ESPNL: variants seen among roughly 807,000 people sequenced by gnomAD.
ESPNL encodes the protein espin like.
Under a neutral mutation model 46.8 loss-of-function variants are expected in ESPNL, and 49 were observed. The observed-to-expected ratio is 1.05, with a 90% CI of 0.83 to 1.33. The LOEUF (loss-of-function observed/expected upper bound fraction) is 1.33, where lower values mean the gene tolerates loss of function less well. ESPNL is among the 40% of genes most tolerant of loss of function. The pLI is 0.00. For synonymous variants in ESPNL, 664 were observed against 662.1 expected, an observed-to-expected ratio of 1.00 and a Z score of -0.04; for missense variants, 1,540 against 1,436.6, an observed-to-expected ratio of 1.07 and a Z score of -1.16.
chr2:238,126,288 G>A (rs1255470316), intron 6 of ESPNL, among the ~76,000 whole-genome samples: 1 of 151,082 alleles, frequency 6.6e-6, no homozygotes, highest in African/African-American at 2.4e-5. Context: ...TTGTGTTTGT[G>A]TTTCTGTGCA....
At position 238,130,709 on chromosome 2, in the gene ESPNL, A is replaced by G. The variant is rs1462952529; in HGVS notation, c.1995A>G (p.Pro665=). Residue 665 remains proline (P), a synonymous_variant, in exon 9 of 9, where the codon CCA becomes CCG. Transcript: ENST00000343063. ...GCAACTTCGAGTCGGCCTCTGGCCC[A>G]CTCTGTGGCTTCAACCCTGGCCCCT... is the stretch of plus-strand genomic sequence containing the variant. ...LRGNFESASG[P]LCGFNPGPCE... 6 of 1,566,486 alleles carry G rather than the reference A, an allele frequency of 3.8e-6. No individual in the cohort carries two copies. The highest frequency in any genetic ancestry group is 1.8e-5 in the Admixed American group (1 of 54,576).
intron 1 of ESPNL, among the ~76,000 whole-genome samples, chr2:238,101,256 A>G (rs561272907): frequency 6.9e-6 from 1 of 145,702 alleles, no homozygotes; most frequent in East Asian, 2.1e-4. Context: ...GAGGGTGAGC[A>G]GGACTGACCG....
chr2:238,126,961 CTGTGTGTATGTG>C (rs1692146372), intron 6 of ESPNL, among the ~76,000 whole-genome samples: 1 of 53,430 alleles, frequency 1.9e-5, no homozygotes, highest in Non-Finnish European at 3.3e-5. Context: ...TATTGTGTGT[CTGTGTGTATGTG>C]TGTGATTGTG....
chr2:238,101,929 G>T lies in ESPNL; in HGVS notation c.295-12G>T, dbSNP rs770863387. On this transcript the variant is annotated splice_polypyrimidine_tract_variant and intron_variant, in intron 1 of 8. Coordinates refer to ENST00000343063, the MANE Select transcript of ESPNL (RefSeq NM_194312.4). ...CTACCCCCCACTCACTGACCTACCCGGGGCTTGGTAGGACCAAGATGCCTC... is the reference window on the plus strand; with the variant it reads ...CTACCCCCCACTCACTGACCTACCCTGGGCTTGGTAGGACCAAGATGCCTC... 5.6e-6 allele frequency: 9 copies of T among 1,600,926 alleles called. No homozygotes were observed. The highest frequency in any genetic ancestry group is 7.7e-6 in the Non-Finnish European group (9 of 1,175,860).
At position 238,100,462 on chromosome 2, in the gene ESPNL, G is replaced by A. The variant is rs776908199; in HGVS notation, c.43G>A (p.Val15Met). ...ACTCGTGGCCGCCAAGGATGGGGAT[G>A]TGGCGACGTTGGAGCGGCTGCTGGA... Reference protein sequence around the residue: ...RALVAAKDGDVATLERLLEAG... With the variant: ...RALVAAKDGDMATLERLLEAG... Residue 15 changes from valine to methionine, a missense_variant, in exon 1 of 9, where the codon GTG becomes ATG. By Grantham distance (21) the Val-to-Met change is conservative (BLOSUM62 1). Coordinates refer to ENST00000343063, the MANE Select transcript of ESPNL (RefSeq NM_194312.4). 2 of 1,605,330 alleles carry A rather than the reference G, an allele frequency of 1.2e-6. No individual in the cohort carries two copies. The highest frequency in any genetic ancestry group is 2.7e-5 in the African/African-American group (2 of 74,724).
chr2:238,124,556 C>CGTGTGTGCAGGAGAGTACGTGTGT (rs1319843828), intron 5 of ESPNL, among the ~76,000 whole-genome samples: 2 of 151,372 alleles, frequency 1.3e-5, no homozygotes, highest in South Asian at 4.2e-4. Context: ...AGTGTACGTG[C>CGTGTGTGCAGGAGAGTACGTGTGT]GTGTGTGCAG....
chr2:238,100,869 C>T (rs978037190), intron 1 of ESPNL, among the ~76,000 whole-genome samples, 156 bp downstream of exon 1: 72 of 152,356 alleles, frequency 4.7e-4, no homozygotes, highest in African/African-American at 1.7e-3. Flanking sequence ...ACCGTCTCTG[C>T]CCCACGCCTC....
rs549903561 is a variant in ESPNL, at chr2:238,115,121, G to A, written c.856-1782G>A. Reference sequence around the variant, plus strand: ...GTGGCGGTTCTGGAGCTGATCTTGCGGCGGTTCTGGCACTGGTCTTTCGGA... The same window carrying A: ...GTGGCGGTTCTGGAGCTGATCTTGCAGCGGTTCTGGCACTGGTCTTTCGGA... On this transcript the variant is annotated intron_variant, in intron 4 of 8. Transcript: ENST00000343063. Among the ~76,000 whole-genome samples, 37 of 152,278 alleles carry A rather than the reference G, an allele frequency of 2.4e-4. No individual in the cohort carries two copies. The South Asian group carries it at 5.2e-3, about 21-fold the overall frequency.
chr2:238,131,218 C>G lies in ESPNL; in HGVS notation c.2504C>G (p.Ser835Cys), dbSNP rs779624399. 2 of 1,551,316 alleles carry G rather than the reference C, an allele frequency of 1.3e-6. No individual in the cohort carries two copies. The highest frequency in any genetic ancestry group is 2.4e-5 in the East Asian group (1 of 41,456). The change falls in exon 9 of 9, where the codon TCC becomes TGC. Residue 835 changes from serine to cysteine, a missense_variant. By Grantham distance (112) the Ser-to-Cys change is moderately radical. Transcript: ENST00000343063. The part of the protein sequence containing the change: ...RLSRQPRGAL[S>C]PEQFLPHVDG... ...AGCCGGCAGCCCCGCGGGGCTTTGT[C>G]CCCCGAGCAGTTCCTGCCCCACGTG...
intron 2 of ESPNL, among the ~76,000 whole-genome samples, chr2:238,103,408 G>A (rs931287883): frequency 3.4e-5 from 5 of 148,958 alleles, no homozygotes; most frequent in African/African-American, 7.7e-5. Context: ...CAGCCTGGGC[G>A]ATAGAGCAAG....
chr2:238,130,126 A>C lies in ESPNL; in HGVS notation c.1414-2A>C. ...TGCTCACCCTGCCCTTCCTGTGCCCAGGACAATGGTGGGAGCTCAGGCCCC... is the reference window on the plus strand; with the variant it reads ...TGCTCACCCTGCCCTTCCTGTGCCCCGGACAATGGTGGGAGCTCAGGCCCC... On this transcript the variant is annotated splice_acceptor_variant, in intron 8 of 8. Coordinates refer to ENST00000343063, the MANE Select transcript of ESPNL (RefSeq NM_194312.4). LOFTEE classifies it high-confidence loss of function. The C allele has an allele frequency of 6.2e-7, 1 of 1,606,054 alleles. No homozygotes were observed. The highest frequency in any genetic ancestry group is 1.3e-5 in the African/African-American group (1 of 74,876).
intron 5 of ESPNL, among the ~76,000 whole-genome samples, chr2:238,122,954 G>C (rs756648205): frequency 1.3e-5 from 2 of 152,244 alleles, no homozygotes; most frequent in Non-Finnish European, 2.9e-5. Context: ...GCTATGTCTT[G>C]AACGTGGACA....
chr2:238,127,561 G>T lies in ESPNL; in HGVS notation c.1103-61G>T, dbSNP rs2106478487. ...CTGCCCCCAGGGCCGGATCCCCGAG[G>T]CTCTGGGTCTCTGCTCCCCAGCCCT... On this transcript the variant is annotated intron_variant, in intron 6 of 8. Transcript: ENST00000343063. The T allele has an allele frequency of 2.0e-6, 3 of 1,509,462 alleles. No homozygotes were observed. The East Asian group carries it at 7.6e-5, about 38-fold the overall frequency. 93.5% of individuals were successfully genotyped at this position (1,509,462 alleles called of 1,614,324 possible).
intron 8 of ESPNL, 23 bp downstream of exon 8, chr2:238,128,927 A>ACCAGTGGGCGGGG: frequency 2.0e-6 from 3 of 1,525,754 alleles, no homozygotes; most frequent in Non-Finnish European, 2.6e-6. Flanking sequence ...CAGGGGCGGG[A>ACCAGTGGGCGGGG]CCAGTGGGCG....
In ESPNL at chr2:238,131,091, C is replaced by T. The variant is rs1318484863; in HGVS notation, c.2377C>T (p.Arg793Trp). 1.4e-5 allele frequency: 21 copies of T among 1,542,194 alleles called. No individual in the cohort carries two copies. Among genetic ancestry groups the T allele is most frequent in the East Asian group, 2.5e-5 (1 of 40,816 alleles). The change falls in exon 9 of 9, where the codon CGG becomes TGG. Residue 793 changes from arginine to tryptophan, a missense_variant. Arg to Trp is a moderately radical substitution (Grantham distance 101, BLOSUM62 -3). Coordinates refer to ENST00000343063, the MANE Select transcript of ESPNL (RefSeq NM_194312.4). ...GPPSPPSEGP[R>W]LGHLWQQRST... ...ACCCTCCCCGCCCAGCGAGGGCCCC[C>T]GGCTGGGCCACCTGTGGCAGCAGCG...
chr2:238,112,436 A>G (rs995398816), intron 4 of ESPNL, among the ~76,000 whole-genome samples: 13 of 151,912 alleles, frequency 8.6e-5, no homozygotes, highest in African/African-American at 3.1e-4. Context: ...GATGTTAGTC[A>G]GTAGTTTTTC....
At chr2:238,126,269 ATC>A (rs1343266346) in intron 6 of ESPNL, among the ~76,000 whole-genome samples, 1 of 137,770 alleles carries the variant, frequency 7.3e-6, no homozygotes, top group African/African-American at 2.8e-5. Context: ...TGTTCTGTAC[ATC>A]TGTGTATTGT....
rs199724430 is a variant in ESPNL, at chr2:238,131,448, C to T, written c.2734C>T (p.Arg912Cys). The T allele has an allele frequency of 5.5e-5, 89 of 1,610,006 alleles. No individual in the cohort carries two copies. In the East Asian group the frequency reaches 1.4e-3, roughly 25 times the overall value. The change falls in exon 9 of 9, where the codon CGC (arginine) becomes TGC (cysteine). Residue 912 changes from arginine (R) to cysteine (C), a missense_variant. Coordinates refer to ENST00000343063, the MANE Select transcript of ESPNL (RefSeq NM_194312.4). ...KAVTDEVAAG[R>C]RAWTDGFEDI... Reference sequence around the variant, plus strand: ...CGTGACCGACGAGGTGGCCGCCGGCCGCCGGGCCTGGACCGACGGCTTCGA... The same window carrying T: ...CGTGACCGACGAGGTGGCCGCCGGCTGCCGGGCCTGGACCGACGGCTTCGA...
chr2:238,130,972 C>T lies in ESPNL; in HGVS notation c.2258C>T (p.Ala753Val). 1 of 1,548,722 alleles carries T rather than the reference C, an allele frequency of 6.5e-7. No homozygotes were observed. The highest frequency in any genetic ancestry group is 8.7e-7 in the Non-Finnish European group (1 of 1,147,348). ...MLFLSHWRRS[A>V]YTPALKTVAC... ...TTCCTCAGCCACTGGAGGAGATCGG[C>T]CTACACGCCGGCCCTCAAGACAGTG... The change falls in exon 9 of 9, where the codon GCC (alanine) becomes GTC (valine). Residue 753 changes from alanine (A) to valine (V), a missense_variant. Physicochemically the swap from Ala to Val is moderately conservative, Grantham distance 64 (BLOSUM62 0). Transcript: ENST00000343063.
Sources: allele counts gnomAD v4.1 joint callset (sites outside exome capture counted in the v4.1 genomes callset), GRCh38; gene constraint gnomAD v4.1.1; transcripts MANE v1.5; gene names NCBI Gene and HGNC (gene_info 2026-07-23, HGNC 2026-07-21).